XYLT1: variants seen among roughly 807,000 people sequenced by gnomAD.
The protein encoded by XYLT1 is beta-D-xylosyltransferase 1.
A neutral mutation model predicts 91.3 loss-of-function variants in XYLT1; 36 were observed. The observed-to-expected ratio is 0.39, with a 90% CI of 0.30 to 0.52. The LOEUF (loss-of-function observed/expected upper bound fraction) is 0.52. XYLT1 is among the 20% of genes least tolerant of loss of function. The probability of loss-of-function intolerance (pLI) is 0.68; values close to 1 mark genes in which losing one functional copy is unlikely to be tolerated. For synonymous variants in XYLT1, 588 were observed against 532.0 expected (o/e 1.11, Z -1.45); for missense variants, 1,242 against 1,284.5 (o/e 0.97, Z 0.51).
chr16:17,462,827 T>C (rs140114071), intron 1 of XYLT1, among the ~76,000 whole-genome samples: 114 of 152,274 alleles, frequency 7.5e-4, no homozygotes, highest in South Asian at 5.6e-3. Flanking sequence ...TTCTTGACTG[T>C]TGAAAATATA....
intron 5 of XYLT1, among the ~76,000 whole-genome samples, chr16:17,182,288 C>T (rs567256282): frequency 1.3e-5 from 2 of 152,260 alleles, no homozygotes; most frequent in East Asian, 3.9e-4. Flanking sequence ...ACTGGAAAGT[C>T]CAAAGTGCCT....
intron 1 of XYLT1, among the ~76,000 whole-genome samples, chr16:17,416,931 G>A (rs139729963): frequency 6.6e-5 from 10 of 152,316 alleles, no homozygotes; most frequent in Non-Finnish European, 1.3e-4. Context: ...AAGTGCTAAC[G>A]AGGTGGCTGG....
intron 5 of XYLT1, among the ~76,000 whole-genome samples, chr16:17,163,267 C>G (rs2031595507): frequency 6.6e-6 from 1 of 152,204 alleles, no homozygotes; most frequent in Non-Finnish European, 1.5e-5. Flanking sequence ...AGGGCCATGG[C>G]ACCATTGTGT....
intron 5 of XYLT1, among the ~76,000 whole-genome samples, chr16:17,171,500 C>T (rs1213775676): frequency 1.3e-5 from 2 of 152,244 alleles, no homozygotes; most frequent in African/African-American, 4.8e-5. Flanking sequence ...TCAGGACATG[C>T]TGCGTCCAGT....
At chr16:17,141,848 A>C (rs2030985472) in intron 6 of XYLT1, among the ~76,000 whole-genome samples, 1 of 152,250 alleles carries the variant, frequency 6.6e-6, no homozygotes, top group African/African-American at 2.4e-5. Flanking sequence ...AAGTTCTGAT[A>C]TAAAGTAATG....
chr16:17,133,910 G>C (rs2030600303), intron 9 of XYLT1, among the ~76,000 whole-genome samples: 1 of 151,988 alleles, frequency 6.6e-6, no homozygotes, highest in Non-Finnish European at 1.5e-5. Flanking sequence ...ATGACATTAT[G>C]GTGAATGTTT....
chr16:17,346,152 C>G (rs1467084496), intron 2 of XYLT1, among the ~76,000 whole-genome samples: 1 of 152,124 alleles, frequency 6.6e-6, no homozygotes, highest in Non-Finnish European at 1.5e-5. Flanking sequence ...ACAAAGGGAT[C>G]GCTGGCGTGT....
intron 1 of XYLT1, among the ~76,000 whole-genome samples, chr16:17,395,250 C>G (rs1401731036): frequency 6.6e-6 from 1 of 152,168 alleles, no homozygotes; most frequent in East Asian, 1.9e-4. Flanking sequence ...CCAATCACCT[C>G]CCACCAAGTC....
In XYLT1 at chr16:17,136,547, C is replaced by A. The variant is rs185005906; in HGVS notation, c.1764+1808G>T. Among the ~76,000 whole-genome samples, 584 of 152,244 alleles carry A rather than the reference C, an allele frequency of 3.8e-3. 5 individuals are homozygous for A. The highest frequency in any genetic ancestry group is 0.013 in the African/African-American group (545 of 41,536). Reference sequence around the variant, plus strand: ...CAGCATCCTTAAAATGGGTTACTAGCATAGTGTCTAGCACATAGTGTAGGC... The same window carrying A: ...CAGCATCCTTAAAATGGGTTACTAGAATAGTGTCTAGCACATAGTGTAGGC... On this transcript the variant is annotated intron_variant, in intron 8 of 11. Transcript: ENST00000261381.
chr16:17,115,904 G>A (rs1211340969), intron 11 of XYLT1, among the ~76,000 whole-genome samples: 3 of 147,320 alleles, frequency 2.0e-5, no homozygotes, highest in Non-Finnish European at 4.4e-5. Context: ...ACCAATAGGG[G>A]AACAGATAGA....
intron 3 of XYLT1, among the ~76,000 whole-genome samples, chr16:17,235,452 G>A (rs1162923753): frequency 6.6e-6 from 1 of 151,998 alleles, no homozygotes; most frequent in Admixed American, 6.6e-5. Context: ...AGAGAGGTCA[G>A]CTAACCTGGC....
In XYLT1 at chr16:17,117,683, C is replaced by T. The variant is rs374874388; in HGVS notation, c.2520G>A (p.Ala840=). The change falls in exon 11 of 12, where the codon GCG becomes GCA. Residue 840 remains alanine, a synonymous_variant. Transcript: ENST00000261381. ...GCTGCCTGTTCGAGAAGGTCAGAGG[C>T]GCAACGAGGAATTTGGTCTCTGCAA... is the stretch of plus-strand genomic sequence containing the variant. ...VPVAETKFLV[A]PLTFSNRQPI... 106 of 1,613,940 alleles carry T rather than the reference C, an allele frequency of 6.6e-5. 2 individuals are homozygous for T. The highest frequency in any genetic ancestry group is 5.3e-4 in the South Asian group (48 of 91,074).
chr16:17,256,374 C>T (rs1402498301), intron 3 of XYLT1, among the ~76,000 whole-genome samples: 2 of 152,064 alleles, frequency 1.3e-5, no homozygotes, highest in Non-Finnish European at 2.9e-5. Context: ...GAGTTCTCAC[C>T]AGGCGCGGTG....
chr16:17,219,143 G>T (rs897327097), intron 3 of XYLT1, among the ~76,000 whole-genome samples: 1 of 151,898 alleles, frequency 6.6e-6, no homozygotes, highest in African/African-American at 2.4e-5. Context: ...TTAGCTGGGC[G>T]TGGTGGCACA....
chr16:17,240,317 A>G (rs2033326370), intron 3 of XYLT1, among the ~76,000 whole-genome samples: 1 of 152,218 alleles, frequency 6.6e-6, no homozygotes, highest in South Asian at 2.1e-4. Flanking sequence ...GCCAGACTGC[A>G]GTGAGTCCTG....
rs2032894571 is a variant in XYLT1, at chr16:17,218,091, C to T, written c.914-17437G>A. Among the ~76,000 whole-genome samples, 3 of 152,102 alleles carry T rather than the reference C, an allele frequency of 2.0e-5. No individual in the cohort carries two copies. In the South Asian group the frequency reaches 6.2e-4, roughly 32 times the overall value. On this transcript the variant is annotated intron_variant, in intron 3 of 11. Transcript: ENST00000261381. ...TGGCCAACATGGTGAAACCTCATCT[C>T]TACTAAAAATACAAAAATTAGCCAG...
At chr16:17,195,596 C>T (rs1174108288) in intron 5 of XYLT1, among the ~76,000 whole-genome samples, 1 of 152,150 alleles carries the variant, frequency 6.6e-6, no homozygotes, top group Non-Finnish European at 1.5e-5. Context: ...CAGGCACGCA[C>T]CACCATGCCC....
chr16:17,336,108 G>A (rs560208622), intron 2 of XYLT1, among the ~76,000 whole-genome samples: 6 of 152,304 alleles, frequency 3.9e-5, no homozygotes, highest in Admixed American at 1.3e-4. Context: ...AGAAACGTGC[G>A]GAGGTGGATG....
intron 2 of XYLT1, among the ~76,000 whole-genome samples, chr16:17,296,898 T>C (rs1290950882): frequency 6.6e-6 from 1 of 152,222 alleles, no homozygotes. Context: ...TCTAAGGTCT[T>C]TGAGTCTCAA....
Sources: allele counts gnomAD v4.1 joint callset (sites outside exome capture counted in the v4.1 genomes callset), GRCh38; gene constraint gnomAD v4.1.1; transcripts MANE v1.5; gene names NCBI Gene and HGNC (gene_info 2026-07-23, HGNC 2026-07-21).